The following FHIP2A variants were observed in gnomAD, a reference collection of about 807,000 sequenced individuals.
FHIP2A encodes the protein family with sequence similarity 160 member B1.
Under a neutral mutation model 93.5 loss-of-function variants are expected in FHIP2A, and 46 were observed. The ratio of observed to expected loss-of-function variants is 0.49; its 90% confidence interval spans 0.39 to 0.63. The LOEUF (loss-of-function observed/expected upper bound fraction) is 0.63, where lower values mean the gene tolerates loss of function less well. Ranked by LOEUF, FHIP2A falls within the 20% of genes least tolerant of loss-of-function variation. The pLI, the probability that FHIP2A is intolerant of heterozygous loss-of-function variation, is 0.00. For synonymous variants in FHIP2A, 332 were observed against 326.5 expected (o/e 1.02, Z -0.18); for missense variants, 769 against 909.7 (o/e 0.85, Z 1.99).
At chr10:114,847,039 A>AAAATGTCAT in intron 11 of FHIP2A, 51 bp from the exon 12 acceptor site, 1 of 1,482,520 alleles carries the variant, frequency 6.7e-7, no homozygotes, top group East Asian at 2.3e-5. Flanking sequence ...TTTGGTTTAG[A>AAAATGTCAT]AAATGTCATA....
downstream of FHIP2A, among the ~76,000 whole-genome samples, chr10:114,865,318 C>A (rs2016966): frequency 0.13 from 19,660 of 152,052 alleles, 1,433 homozygotes; most frequent in East Asian, 0.22. Context: ...AGCATTATTT[C>A]TTAGTATTTT....
intron 13 of FHIP2A, among the ~76,000 whole-genome samples, chr10:114,849,643 G>A (rs2083722972): frequency 6.6e-6 from 1 of 152,150 alleles, no homozygotes; most frequent in South Asian, 2.1e-4. Flanking sequence ...CTATTTTAAA[G>A]TGTACAATTT....
intron 16 of FHIP2A, among the ~76,000 whole-genome samples, chr10:114,880,978 A>C (rs2083914123): frequency 6.6e-6 from 1 of 152,218 alleles, no homozygotes; most frequent in South Asian, 2.1e-4. Flanking sequence ...TCCATTTTAC[A>C]GAGGCCAATG....
At chr10:114,883,326 C>T (rs540354755) in intron 16 of FHIP2A, among the ~76,000 whole-genome samples, 4 of 152,052 alleles carry the variant, frequency 2.6e-5, no homozygotes, top group Non-Finnish European at 4.4e-5. Flanking sequence ...CATCAGTTCT[C>T]CTCTTCTCAT....
chr10:114,865,345 A>C (rs757920380), downstream of FHIP2A, among the ~76,000 whole-genome samples: 2 of 152,064 alleles, frequency 1.3e-5, 1 homozygote, highest in African/African-American at 4.8e-5. Context: ...ATATATAAAA[A>C]CTTTTCTTTT....
In FHIP2A at chr10:114,843,040, A is replaced by G. The variant is rs769029133; in HGVS notation, c.630A>G (p.Pro210=). 6.8e-6 allele frequency: 11 copies of G among 1,614,158 alleles called. No homozygotes were observed. In the South Asian group the frequency reaches 9.9e-5, roughly 14 times the overall value. The change falls in exon 6 of 17, where the codon CCA becomes CCG. Residue 210 remains proline, a synonymous_variant. Transcript: ENST00000369248. ...CAGATACAGGACAGTCCCGTCAACCAGAGGAACTATCTGGTGCTACTGGAA... is the reference window on the plus strand; with the variant it reads ...CAGATACAGGACAGTCCCGTCAACCGGAGGAACTATCTGGTGCTACTGGAA... ...LSTDTGQSRQ[P]EELSGATGME...
intron 16 of FHIP2A, among the ~76,000 whole-genome samples, chr10:114,882,237 A>T (rs1053608853): frequency 2.0e-5 from 3 of 152,204 alleles, no homozygotes; most frequent in Admixed American, 1.3e-4. Flanking sequence ...GGCACCTCTC[A>T]GCGAAGAATG....
At chr10:114,828,026 G>A (rs2083587362) in intron 1 of FHIP2A, among the ~76,000 whole-genome samples, 1 of 151,204 alleles carries the variant, frequency 6.6e-6, no homozygotes, top group Non-Finnish European at 1.5e-5. Context: ...TTAACTCAGA[G>A]CATCAATATT....
intron 16 of FHIP2A, among the ~76,000 whole-genome samples, chr10:114,892,848 A>G (rs570865347): frequency 8.5e-4 from 129 of 152,276 alleles, no homozygotes; most frequent in African/African-American, 2.9e-3. Flanking sequence ...GGAAAATTAG[A>G]TAAAGAAAGA....
At chr10:114,886,692 C>T (rs1400943980) in intron 16 of FHIP2A, among the ~76,000 whole-genome samples, 1 of 151,176 alleles carries the variant, frequency 6.6e-6, no homozygotes, top group East Asian at 2.0e-4. Flanking sequence ...TTACAGGTGC[C>T]CGCCACCACA....
At chr10:114,891,537 ATGTGTGTGTG>A (rs34032569) in intron 16 of FHIP2A, among the ~76,000 whole-genome samples, 1,844 of 137,190 alleles carry the variant, frequency 0.013, 37 homozygotes, top group African/African-American at 0.047. Context: ...ATATATATAT[ATGTGTGTGTG>A]TGTGTGTGTG....
chr10:114,898,622 C>A (rs1475513472), intron 16 of FHIP2A, among the ~76,000 whole-genome samples: 1 of 152,182 alleles, frequency 6.6e-6, no homozygotes, highest in African/African-American at 2.4e-5. Context: ...TTTATCTCCT[C>A]CCAGTCCCAG....
intron 16 of FHIP2A, among the ~76,000 whole-genome samples, chr10:114,887,206 A>G (rs891493819): frequency 2.6e-5 from 4 of 152,228 alleles, no homozygotes; most frequent in African/African-American, 9.6e-5. Flanking sequence ...ATTACTGTAC[A>G]GGGAGAGTAC....
chr10:114,839,712 C>T (rs189878075), intron 5 of FHIP2A, among the ~76,000 whole-genome samples: 99 of 151,802 alleles, frequency 6.5e-4, no homozygotes, highest in African/African-American at 2.3e-3. Flanking sequence ...GAAACCCCTT[C>T]TCTACTAAAA....
At chr10:114,823,131 C>T (rs2083548317) in intron 1 of FHIP2A, among the ~76,000 whole-genome samples, 1 of 152,152 alleles carries the variant, frequency 6.6e-6, no homozygotes, top group South Asian at 2.1e-4. Context: ...TTAAAATGTA[C>T]ACTTTAAAAA....
rs140404801 is a variant in FHIP2A at position 114,881,111 on chromosome 10, C to T, written c.2193-18379C>T. Among the ~76,000 whole-genome samples the T allele has an allele frequency of 4.8e-3, 733 of 152,318 alleles. 5 individuals carry two copies. The highest frequency in any genetic ancestry group is 0.02 in the Middle Eastern group (6 of 294). On this transcript the variant is annotated intron_variant, in intron 16 of 16. Transcript: ENST00000369250. ...CAAACAATCACTGTGCCTGAACTAA[C>T]GAGGGGGCTGTAAACATGCCTGCAA...
At chr10:114,884,415 C>T (rs1258346896) in intron 16 of FHIP2A, among the ~76,000 whole-genome samples, 2 of 152,200 alleles carry the variant, frequency 1.3e-5, no homozygotes, top group African/African-American at 2.4e-5. Context: ...TGATCTGCCA[C>T]GTACTAGTGC....
intron 5 of FHIP2A, 59 bp from the exon 6 acceptor site, chr10:114,842,874 T>C (rs979194424): frequency 3.4e-6 from 4 of 1,159,894 alleles, no homozygotes; most frequent in Non-Finnish European, 4.9e-6. Context: ...CATTAAAATA[T>C]TATTTTTGGC....
chr10:114,843,691 C>G (rs375182681), intron 6 of FHIP2A, 50 bp from the exon 7 acceptor site: 2 of 1,292,988 alleles, frequency 1.5e-6, no homozygotes, highest in African/African-American at 3.0e-5. Flanking sequence ...TTCAAACAAC[C>G]TGATGTATAT....
Sources: gnomAD v4.1 joint callset for allele counts (sites outside exome capture counted in the v4.1 genomes callset) on GRCh38, gnomAD v4.1.1 for gene constraint, MANE v1.5 for transcripts, NCBI Gene and HGNC (gene_info 2026-07-23, HGNC 2026-07-21) for gene names.